Variants in THSD7B observed in about 807,000 individuals in gnomAD.
The protein encoded by THSD7B is thrombospondin type 1 domain containing 7B, also known as thrombospondin type-1 domain-containing protein 7B.
In THSD7B, 138 loss-of-function variants were observed where a neutral mutation model predicts 213.6. The observed-to-expected ratio is 0.65, with a 90% CI of 0.56 to 0.74. The LOEUF (loss-of-function observed/expected upper bound fraction) is 0.74, where lower values mean the gene tolerates loss of function less well. THSD7B is among the 30% of genes least tolerant of loss of function. The probability of loss-of-function intolerance (pLI) is 0.00; values close to 1 mark genes in which losing one functional copy is unlikely to be tolerated. For synonymous variants in THSD7B, 742 were observed against 687.0 expected, an observed-to-expected ratio of 1.08 and a Z score of -1.25; for missense variants, 1,931 against 1,991.5, an observed-to-expected ratio of 0.97 and a Z score of 0.58.
chr2:137,078,659 A>G (rs1687681545), intron 3 of THSD7B, among the ~76,000 whole-genome samples: 1 of 151,886 alleles, frequency 6.6e-6, no homozygotes, highest in African/African-American at 2.4e-5. Flanking sequence ...ATGTATGTAT[A>G]TATTTTTTTC....
chr2:136,989,969 A>C (rs1394976711), intron 2 of THSD7B, among the ~76,000 whole-genome samples: 1 of 152,132 alleles, frequency 6.6e-6, no homozygotes, highest in Admixed American at 6.5e-5. Flanking sequence ...TTCTTTCTTT[A>C]TTCTGTGTAT....
chr2:137,056,906 C>T lies in THSD7B; in HGVS notation c.626C>T (p.Pro209Leu), dbSNP rs1457774852. The T allele has an allele frequency of 6.2e-7, 1 of 1,613,704 alleles. No homozygotes were observed. Among genetic ancestry groups the T allele is most frequent in the Non-Finnish European group, 8.5e-7 (1 of 1,179,860 alleles). The change falls in exon 3 of 28, where the codon CCC (proline) becomes CTC (leucine). Residue 209 changes from proline to leucine, a missense_variant. Pro to Leu is a moderately conservative substitution (Grantham distance 98, BLOSUM62 -3). Transcript: ENST00000409968. ...CATAGAACTCGCGCGGTCATAGCTC[C>T]CCCTCTCTTTGGTGGTTTGCAATGT... ...LQHRTRAVIA[P>L]PLFGGLQCPN...
intron 17 of THSD7B, among the ~76,000 whole-genome samples, chr2:137,605,139 C>G (rs1682147613): frequency 6.6e-6 from 1 of 152,150 alleles, no homozygotes; most frequent in Non-Finnish European, 1.5e-5. Flanking sequence ...CTCAATTTGG[C>G]TGCATGTCTT....
chr2:137,538,489 G>T (rs1418558027), intron 15 of THSD7B: 2 of 517,508 alleles, frequency 3.9e-6, no homozygotes, highest in Admixed American at 2.0e-5. Context: ...TTCTACAAAG[G>T]CTCAGGTTGG....
At chr2:137,067,784 C>T (rs11896085) in intron 3 of THSD7B, among the ~76,000 whole-genome samples, 63,808 of 151,750 alleles carry the variant, frequency 0.42, 16,794 homozygotes, top group African/African-American at 0.74. Flanking sequence ...AGGGCAGAAC[C>T]AAGAAAAACA....
chr2:137,667,881 A>C lies in THSD7B; in HGVS notation c.4739+20A>C, dbSNP rs1324076223. 5.8e-6 allele frequency: 9 copies of C among 1,539,052 alleles called. No homozygotes were observed. The highest frequency in any genetic ancestry group is 7.9e-6 in the Non-Finnish European group (9 of 1,133,062). ...TGTTTGGTAAGTACTAATTAGTAAA[A>C]AGTTTATGTTCCGTATTTTTATGGA... On this transcript the variant is annotated intron_variant, in intron 27 of 27. Transcript: ENST00000409968.
At chr2:137,279,778 T>G (rs760810756) in intron 12 of THSD7B, among the ~76,000 whole-genome samples, 2 of 152,162 alleles carry the variant, frequency 1.3e-5, no homozygotes, top group Non-Finnish European at 2.9e-5. Context: ...GGATGGACTG[T>G]GCTTCCCAAA....
chr2:136,964,943 G>A (rs1449022001), intron 2 of THSD7B, among the ~76,000 whole-genome samples: 2 of 149,344 alleles, frequency 1.3e-5, no homozygotes. Flanking sequence ...AGAGGTTGCA[G>A]TGAGCCAAGA....
At chr2:137,535,301 A>G (rs562481214) in intron 15 of THSD7B, among the ~76,000 whole-genome samples, 11 of 151,842 alleles carry the variant, frequency 7.2e-5, no homozygotes, top group Non-Finnish European at 8.9e-5. Flanking sequence ...CACATATGAA[A>G]AAAAAAAGCA....
At chr2:137,423,853 C>T (rs1041014392) in intron 14 of THSD7B, among the ~76,000 whole-genome samples, 2 of 152,028 alleles carry the variant, frequency 1.3e-5, no homozygotes, top group African/African-American at 4.8e-5. Flanking sequence ...CAAGAATAGT[C>T]AAACAGTCTT....
intron 1 of THSD7B, among the ~76,000 whole-genome samples, chr2:136,797,831 TAC>T (rs1397208433): frequency 1.3e-5 from 2 of 151,992 alleles, no homozygotes; most frequent in African/African-American, 2.4e-5. Flanking sequence ...TGCAAATACT[TAC>T]AGTTATTTAA....
chr2:137,338,892 C>T (rs1684698832), intron 12 of THSD7B, among the ~76,000 whole-genome samples: 1 of 151,924 alleles, frequency 6.6e-6, no homozygotes, highest in African/African-American at 2.4e-5. Flanking sequence ...AGGTTAATTG[C>T]TCTTTAGAGA....
chr2:136,890,384 TCTTCCTCTTCC>T lies in THSD7B; in HGVS notation c.139+8068_139+8078del, dbSNP rs1558840015. 3.0e-3 allele frequency among the ~76,000 whole-genome samples: 7 copies of T among 2,354 alleles called. 3 individuals carry two copies. Among genetic ancestry groups the T allele is most frequent in the African/African-American group, 8.4e-3 (7 of 836 alleles). The allele number at this position is 2,354 out of a possible 152,430, so 1.5% of individuals were successfully genotyped here. The stretch of plus-strand genomic sequence containing the variant: ...TTCTTCTTCTTCTTCTTCCTCTTCC[TCTTCCTCTTCC>T]TCTTCCTCTTCCTCTTCTTCTTCTT... On this transcript the variant is annotated intron_variant, in intron 2 of 27. Coordinates refer to ENST00000409968, the MANE Select transcript of THSD7B (RefSeq NM_001316349.2).
chr2:136,827,764 C>T (rs1407811778), intron 1 of THSD7B, among the ~76,000 whole-genome samples: 1 of 146,346 alleles, frequency 6.8e-6, no homozygotes, highest in East Asian at 2.0e-4. Context: ...GAGAGTTACA[C>T]TGAAATGAGA....
chr2:137,460,989 C>T (rs1321666307), intron 15 of THSD7B, among the ~76,000 whole-genome samples: 1 of 152,004 alleles, frequency 6.6e-6, no homozygotes, highest in African/African-American at 2.4e-5. Flanking sequence ...TCACGTCTAC[C>T]TTTTTCTACT....
chr2:137,275,775 G>A, intron 11 of THSD7B, 148 bp from the exon 12 acceptor site: 2 of 576,676 alleles, frequency 3.5e-6, no homozygotes, highest in Non-Finnish European at 6.1e-6. Flanking sequence ...TCTAGTGCTT[G>A]CCAAGGCTTG....
At chr2:136,895,323 A>C (rs1683936480) in intron 2 of THSD7B, among the ~76,000 whole-genome samples, 1 of 151,976 alleles carries the variant, frequency 6.6e-6, no homozygotes, top group Non-Finnish European at 1.5e-5. Context: ...TTATGACTTG[A>C]ATTTTCTTTA....
intron 2 of THSD7B, among the ~76,000 whole-genome samples, chr2:137,055,401 C>T (rs908832132): frequency 1.3e-5 from 2 of 152,156 alleles, no homozygotes; most frequent in African/African-American, 4.8e-5. Context: ...TTTACACTCC[C>T]ACCAACAGGT....
chr2:136,979,955 G>GT (rs1489957397), intron 2 of THSD7B, among the ~76,000 whole-genome samples: 8 of 151,798 alleles, frequency 5.3e-5, no homozygotes, highest in African/African-American at 1.7e-4. Context: ...ATTTTTGTGG[G>GT]TTTTTTTGTT....
Sources: gnomAD v4.1 joint callset for allele counts (sites outside exome capture counted in the v4.1 genomes callset) on GRCh38, gnomAD v4.1.1 for gene constraint, MANE v1.5 for transcripts, NCBI Gene and HGNC (gene_info 2026-07-23, HGNC 2026-07-21) for gene names.